Variants in PODXL2 observed in about 807,000 individuals in gnomAD.
PODXL2 encodes the protein podocalyxin like 2.
A neutral mutation model predicts 53.4 loss-of-function variants in PODXL2; 17 were observed. The ratio of observed to expected loss-of-function variants is 0.32; its 90% CI spans 0.22 to 0.48. The LOEUF (loss-of-function observed/expected upper bound fraction) is 0.48. Among genes scored for constraint, PODXL2 ranks in the 20% least tolerant of loss-of-function variants. The pLI is 0.99. For missense variants in PODXL2, 673 were observed against 760.0 expected (o/e 0.89, Z 1.35); for synonymous variants, 311 against 306.7 (o/e 1.01, Z -0.15).
intron 2 of PODXL2, among the ~76,000 whole-genome samples, chr3:127,649,273 G>A (rs1384589740): frequency 6.6e-6 from 1 of 152,202 alleles, no homozygotes; most frequent in Non-Finnish European, 1.5e-5. Context: ...AGTATAAGGC[G>A]GGTCTATCAT....
chr3:127,663,488 G>C (rs2074779511), intron 4 of PODXL2, among the ~76,000 whole-genome samples: 1 of 152,206 alleles, frequency 6.6e-6, no homozygotes, highest in South Asian at 2.1e-4. Flanking sequence ...CAAGACTGAA[G>C]GGACATGCAT....
chr3:127,663,896 T>G (rs1312213804), intron 4 of PODXL2, among the ~76,000 whole-genome samples: 1 of 152,210 alleles, frequency 6.6e-6, no homozygotes, highest in Non-Finnish European at 1.5e-5. Context: ...GATATTAAGA[T>G]GCTTTTATTC....
At chr3:127,656,391 A>G (rs1435986442) in intron 2 of PODXL2, among the ~76,000 whole-genome samples, 1 of 152,136 alleles carries the variant, frequency 6.6e-6, no homozygotes, top group Non-Finnish European at 1.5e-5. Context: ...GGAGTTCAAG[A>G]CCAGCCTGGG....
intron 2 of PODXL2, among the ~76,000 whole-genome samples, chr3:127,640,158 G>T (rs1476440621): frequency 6.6e-6 from 1 of 152,210 alleles, no homozygotes; most frequent in Non-Finnish European, 1.5e-5. Flanking sequence ...AATGCCCACC[G>T]CCATGAGCTG....
At chr3:127,668,075 T>C (rs1328509780) in intron 4 of PODXL2, among the ~76,000 whole-genome samples, 9 of 151,772 alleles carry the variant, frequency 5.9e-5, no homozygotes, top group Admixed American at 5.9e-4. Context: ...GTACCCAGTT[T>C]CTGGGCTTGT....
At chr3:127,632,216 T>A (rs776517058) in intron 1 of PODXL2, among the ~76,000 whole-genome samples, 2 of 152,206 alleles carry the variant, frequency 1.3e-5, no homozygotes, top group African/African-American at 4.8e-5. Context: ...AGCAGTCTTC[T>A]TGAGTTCCAA....
chr3:127,636,099 C>A (rs1479389063), intron 1 of PODXL2, among the ~76,000 whole-genome samples: 2 of 152,206 alleles, frequency 1.3e-5, no homozygotes, highest in East Asian at 3.8e-4. Flanking sequence ...TAGCAACTCA[C>A]AAAGGTAGCT....
At chr3:127,671,657 A>G in intron 7 of PODXL2, 44 bp downstream of exon 7, 3 of 1,576,536 alleles carry the variant, frequency 1.9e-6, no homozygotes, top group Non-Finnish European at 2.6e-6. Context: ...TTGAGAGGAG[A>G]GTGCCCATCG....
intron 1 of PODXL2, among the ~76,000 whole-genome samples, chr3:127,630,183 C>T (rs1024033009): frequency 6.6e-6 from 1 of 151,948 alleles, no homozygotes; most frequent in East Asian, 1.9e-4. Flanking sequence ...ATGGAAATGG[C>T]GGGGAGAAGG....
intron 2 of PODXL2, among the ~76,000 whole-genome samples, chr3:127,657,813 G>A (rs1576432633): frequency 1.3e-5 from 2 of 152,200 alleles, no homozygotes; most frequent in South Asian, 4.1e-4. Flanking sequence ...TCTTAATTCT[G>A]GATAGATCTG....
chr3:127,665,607 G>A (rs2107544650), intron 4 of PODXL2, among the ~76,000 whole-genome samples: 1 of 152,352 alleles, frequency 6.6e-6, no homozygotes, highest in Non-Finnish European at 1.5e-5. Flanking sequence ...AGAGATGCAA[G>A]GATCTGATCC....
chr3:127,644,117 CTGT>C (rs1232094986), intron 2 of PODXL2, among the ~76,000 whole-genome samples: 4 of 151,804 alleles, frequency 2.6e-5, no homozygotes, highest in African/African-American at 4.8e-5. Context: ...TATTTTGTTG[CTGT>C]TGTTGTTTTG....
intron 6 of PODXL2, among the ~76,000 whole-genome samples, chr3:127,670,282 T>G (rs897660577): frequency 1.3e-5 from 2 of 152,128 alleles, no homozygotes; most frequent in African/African-American, 2.4e-5. Context: ...CAGTAAGCGG[T>G]AGAGCCAGGC....
rs957734675 is a variant in PODXL2, at chr3:127,642,057, C to A, written c.349+2534C>A. Among the ~76,000 whole-genome samples the A allele has an allele frequency of 2.0e-5, 3 of 151,618 alleles. No individual in the cohort carries two copies. The East Asian group carries it at 5.9e-4, about 30-fold the overall frequency. ...CTGTGATTCCGGCACTTTGGGAGTT[C>A]GAGGTGGGCAGATCATGAGGTCCGG... On this transcript the variant is annotated intron_variant, in intron 2 of 7. Transcript: ENST00000342480.
In PODXL2 at chr3:127,660,712, G is replaced by A; in HGVS notation, c.684G>A (p.Gln228=). 13 of 1,614,180 alleles carry A rather than the reference G, an allele frequency of 8.1e-6. No homozygotes were observed. Among genetic ancestry groups the A allele is most frequent in the Non-Finnish European group, 1.1e-5 (13 of 1,180,032 alleles). Residue 228 remains glutamine, a synonymous_variant, in exon 3 of 8, where the codon CAG becomes CAA. Coordinates refer to ENST00000342480, the MANE Select transcript of PODXL2 (RefSeq NM_015720.4). ...GCAGGCATGAAGACTCCGGGGACCAGGCCTCATCAGGTGTGGAGGTGGAGA... is the reference window on the plus strand; with the variant it reads ...GCAGGCATGAAGACTCCGGGGACCAAGCCTCATCAGGTGTGGAGGTGGAGA... ...TKSRHEDSGD[Q]ASSGVEVESS...
chr3:127,642,358 A>G (rs2074626921), intron 2 of PODXL2, among the ~76,000 whole-genome samples: 1 of 152,088 alleles, frequency 6.6e-6, no homozygotes, highest in Non-Finnish European at 1.5e-5. Context: ...AATCAAATTA[A>G]AACAATCTAA....
intron 2 of PODXL2, among the ~76,000 whole-genome samples, chr3:127,640,401 A>G (rs915403597): frequency 1.3e-5 from 2 of 152,220 alleles, no homozygotes; most frequent in African/African-American, 4.8e-5. Context: ...CACAAAAATA[A>G]TACAAAGAAG....
intron 1 of PODXL2, among the ~76,000 whole-genome samples, chr3:127,637,975 G>A (rs568251123): frequency 2.0e-5 from 3 of 152,312 alleles, no homozygotes; most frequent in Middle Eastern, 3.4e-3. Context: ...GCCATGTACT[G>A]TAGTCAAGTC....
chr3:127,634,464 T>C (rs1222003939), intron 1 of PODXL2, among the ~76,000 whole-genome samples: 1 of 147,832 alleles, frequency 6.8e-6, no homozygotes, highest in East Asian at 2.0e-4. Flanking sequence ...GACTCACACC[T>C]GTAATCCCGG....
Sources: allele counts gnomAD v4.1 joint callset (sites outside exome capture counted in the v4.1 genomes callset), GRCh38; gene constraint gnomAD v4.1.1; transcripts MANE v1.5; gene names NCBI Gene and HGNC (gene_info 2026-07-23, HGNC 2026-07-21).